The following PLEKHG5 variants were observed in gnomAD, a reference collection of about 807,000 sequenced individuals.
The protein encoded by PLEKHG5 is pleckstrin homology and RhoGEF domain containing G5, also known as pleckstrin homology domain-containing family G member 5.
PLEKHG5 carries 52 observed loss-of-function variants against 103.8 expected under a neutral mutation model. That is an observed-to-expected ratio of 0.50 (90% CI 0.40 to 0.63). The LOEUF is 0.63. PLEKHG5 is among the 30% of genes least tolerant of loss of function. The probability of loss-of-function intolerance (pLI) is 0.00; values close to 1 mark genes in which losing one functional copy is unlikely to be tolerated. For synonymous variants in PLEKHG5, 592 were observed against 575.5 expected (o/e 1.03, Z -0.41); for missense variants, 1,205 against 1,347.6 (o/e 0.89, Z 1.66).
upstream of PLEKHG5, among the ~76,000 whole-genome samples, chr1:6,498,060 C>A (rs1486215498): frequency 1.3e-5 from 2 of 151,958 alleles, no homozygotes; most frequent in Non-Finnish European, 2.9e-5. Flanking sequence ...ATTCGTCTGC[C>A]CGGTCCTGTA....
At chr1:6,495,434 G>A (rs1256578086), upstream of PLEKHG5, among the ~76,000 whole-genome samples, 2 of 152,194 alleles carry the variant, frequency 1.3e-5, no homozygotes, top group East Asian at 1.9e-4. Flanking sequence ...CGGGGGGTGG[G>A]GGGTGGCATT....
At chr1:6,481,400 G>T (rs145084014) in intron 1 of PLEKHG5, among the ~76,000 whole-genome samples, 7,576 of 151,670 alleles carry the variant, frequency 0.05, 239 homozygotes, top group Middle Eastern at 0.079. Flanking sequence ...GCATGGTGGC[G>T]CATGCCTGTA....
chr1:6,471,554 C>A lies in PLEKHG5; in HGVS notation c.1215G>T (p.Val405=), dbSNP rs757671338. The A allele has an allele frequency of 1.9e-6, 3 of 1,605,658 alleles. No homozygotes were observed. Among genetic ancestry groups the A allele is most frequent in the African/African-American group, 2.7e-5 (2 of 74,986 alleles). ...CTCGCGTGCGCCGCGCCTTCTCCAG[C>A]ACCGGCGCCATCACGCTAGCCCACA... ...RRLWASVMAP[V]LEKARRTRAL... is the part of the protein sequence containing the mutation. The change falls in exon 12 of 21, where the codon GTG becomes GTT. Residue 405 remains valine, a synonymous_variant. Transcript: ENST00000377728.
intron 1 of PLEKHG5, among the ~76,000 whole-genome samples, chr1:6,502,697 G>C (rs112929549): frequency 6.6e-6 from 1 of 152,158 alleles, no homozygotes; most frequent in African/African-American, 2.4e-5. Flanking sequence ...CCCAATTCCC[G>C]ACAGTCACAC....
At chr1:6,503,511 G>A (rs1645318462) in intron 1 of PLEKHG5, among the ~76,000 whole-genome samples, 1 of 150,622 alleles carries the variant, frequency 6.6e-6, no homozygotes, top group Non-Finnish European at 1.5e-5. Flanking sequence ...GGGTTCAAGT[G>A]ATTCTCCTGC....
intron 1 of PLEKHG5, chr1:6,485,396 C>A (rs1645006140): frequency 7.2e-7 from 1 of 1,381,454 alleles, no homozygotes; most frequent in Non-Finnish European, 9.3e-7. Context: ...GCCCCGGGCC[C>A]GGCCTGGAGG....
intron 1 of PLEKHG5, chr1:6,485,979 C>G (rs1054551321): frequency 2.5e-6 from 2 of 812,562 alleles, no homozygotes; most frequent in Non-Finnish European, 3.0e-6. Context: ...CTGGTGACAC[C>G]CCCCCCCACC....
At chr1:6,517,917 G>A (rs900785861) in intron 1 of PLEKHG5, among the ~76,000 whole-genome samples, 1 of 152,088 alleles carries the variant, frequency 6.6e-6, no homozygotes, top group African/African-American at 2.4e-5. Context: ...CCCAAAATGC[G>A]TCATGGCGGA....
At chr1:6,510,072 G>C (rs892693673) in intron 1 of PLEKHG5, among the ~76,000 whole-genome samples, 1 of 152,228 alleles carries the variant, frequency 6.6e-6, no homozygotes, top group South Asian at 2.1e-4. Flanking sequence ...CCAGCTGCGT[G>C]CATGCGGGGC....
intron 1 of PLEKHG5, among the ~76,000 whole-genome samples, chr1:6,511,952 G>C (rs1409939278): frequency 6.6e-6 from 1 of 152,216 alleles, no homozygotes; most frequent in Non-Finnish European, 1.5e-5. Context: ...CTCCTGCTGG[G>C]CCAGGGACCC....
chr1:6,473,965 C>T (rs1218077308), intron 7 of PLEKHG5, 48 bp downstream of exon 7: 5 of 1,504,698 alleles, frequency 3.3e-6, no homozygotes, highest in Non-Finnish European at 2.7e-6. Context: ...GTGGGCCCAG[C>T]CTGGGCCCCT....
intron 2 of PLEKHG5, among the ~76,000 whole-genome samples, chr1:6,476,825 G>A (rs1179408236): frequency 6.6e-6 from 1 of 152,142 alleles, no homozygotes; most frequent in Non-Finnish European, 1.5e-5. Context: ...CACGATCAGG[G>A]CTCACTGGAG....
At chr1:6,476,657 G>A (rs1211223257) in intron 2 of PLEKHG5, among the ~76,000 whole-genome samples, 1 of 152,202 alleles carries the variant, frequency 6.6e-6, no homozygotes, top group Non-Finnish European at 1.5e-5. Context: ...TACAGGAAGG[G>A]ACCAAAGTCC....
intron 2 of PLEKHG5, among the ~76,000 whole-genome samples, chr1:6,476,789 C>T (rs1259452136): frequency 6.6e-6 from 1 of 152,176 alleles, no homozygotes; most frequent in African/African-American, 2.4e-5. Context: ...GGGTCTTGCT[C>T]TGTCGCTCAG....
At chr1:6,515,795 C>T (rs1410975864) in intron 1 of PLEKHG5, among the ~76,000 whole-genome samples, 1 of 152,142 alleles carries the variant, frequency 6.6e-6, no homozygotes, top group Non-Finnish European at 1.5e-5. Context: ...AGGCATGACC[C>T]CAGAGTCCCC....
chr1:6,501,350 C>A (rs1024600635), upstream of PLEKHG5, among the ~76,000 whole-genome samples: 1 of 152,244 alleles, frequency 6.6e-6, no homozygotes, highest in African/African-American at 2.4e-5. The surrounding 1 kb of genome is among the most constrained non-coding windows in gnomAD (Gnocchi z 4.3). Context: ...ATCCTGCCCA[C>A]TCTTCAAGGC....
In PLEKHG5 at chr1:6,506,600, C is replaced by G. The variant is rs1638330244; in HGVS notation, c.-164-10031G>C. Among the ~76,000 whole-genome samples the G allele has an allele frequency of 2.6e-5, 4 of 152,230 alleles. No individual in the cohort carries two copies. The South Asian group carries it at 8.3e-4, about 31-fold the overall frequency. On this transcript the variant is annotated intron_variant, in intron 1 of 21. Coordinates refer to the PLEKHG5 transcript ENST00000377740. ...CTGACCTGTGACCCCGCTCCCAGCC[C>G]CAGTGGAACCCTGCAGGATTTCTCA...
upstream of PLEKHG5, among the ~76,000 whole-genome samples, chr1:6,497,667 G>A (rs537972686): frequency 4.3e-4 from 66 of 152,176 alleles, no homozygotes; most frequent in South Asian, 6.2e-3. This position sits in a 1 kb window ranked among gnomAD's most constrained non-coding sequence, Gnocchi z 6.1. Flanking sequence ...CGCGGAGGGT[G>A]CCTGTCCGCA....
chr1:6,477,476 AAC>A lies in PLEKHG5; in HGVS notation c.43+51_43+52del, dbSNP rs1280705058. The A allele has an allele frequency of 1.4e-5, 23 of 1,594,228 alleles. No homozygotes were observed. The African/African-American group carries it at 2.8e-4, about 19-fold the overall frequency. On this transcript the variant is annotated intron_variant, in intron 2 of 20. Transcript: ENST00000377728. The stretch of plus-strand genomic sequence containing the variant: ...CTAGCACGTTTCCGACAGTTACTGA[AAC>A]ACTGACACAGGAGCTCTGGGGGCCG...
Sources: gnomAD v4.1 joint callset for allele counts (sites outside exome capture counted in the v4.1 genomes callset) on GRCh38, gnomAD v4.1.1 for gene constraint, Gnocchi (gnomAD v3.1) non-coding constraint, MANE v1.5 for transcripts, NCBI Gene and HGNC (gene_info 2026-07-23, HGNC 2026-07-21) for gene names.